The following TAOK1 variants were observed in gnomAD, a reference collection of about 807,000 sequenced individuals.
TAOK1 encodes TAO kinase 1, also known as serine/threonine-protein kinase TAO1.
TAOK1 carries 21 observed loss-of-function variants against 138.3 expected under a neutral mutation model. The observed-to-expected ratio is 0.15, with a 90% CI of 0.11 to 0.22. The LOEUF is 0.22. Among genes scored for constraint, TAOK1 ranks in the 10% least tolerant of loss-of-function variants. The probability of loss-of-function intolerance (pLI) is 1.00; values close to 1 mark genes in which losing one functional copy is unlikely to be tolerated. For synonymous variants in TAOK1, 361 were observed against 398.4 expected (o/e 0.91, Z 1.12); for missense variants, 651 against 1,227.7 (o/e 0.53, Z 7.02).
Position 29,534,615 on chromosome 17 carries a change from T to C in TAOK1, c.2544+315T>C, listed in dbSNP as rs1292070943. Among the ~76,000 whole-genome samples, 3 of 152,228 alleles carry C rather than the reference T, an allele frequency of 2.0e-5. 1 individual carries two copies. The highest frequency in any genetic ancestry group is 6.5e-5 in the Admixed American group (1 of 15,282). ...TCTATTTTCCTCACTTCTGTGTTCC[T>C]AGCTTGCTCTACCTAAGGAGGTTGG... On this transcript the variant is annotated intron_variant, in intron 19 of 19. Coordinates refer to ENST00000261716, the MANE Select transcript of TAOK1 (RefSeq NM_020791.4).
intron 1 of TAOK1, among the ~76,000 whole-genome samples, chr17:29,410,378 G>A (rs958106544): frequency 2.0e-5 from 3 of 152,016 alleles, no homozygotes; most frequent in Admixed American, 6.6e-5. Context: ...ACACTCCCGA[G>A]TAGCTGGGAT....
At chr17:29,466,178 T>C (rs2030663119) in intron 2 of TAOK1, among the ~76,000 whole-genome samples, 1 of 152,098 alleles carries the variant, frequency 6.6e-6, no homozygotes, top group Admixed American at 6.6e-5. Context: ...TGAGACAGAG[T>C]TGCTGTCCAG....
At chr17:29,405,332 G>A (rs1227583193) in intron 1 of TAOK1, among the ~76,000 whole-genome samples, 1 of 152,120 alleles carries the variant, frequency 6.6e-6, no homozygotes, top group Non-Finnish European at 1.5e-5. Context: ...CAGTCATTAA[G>A]CCAGTTGGTT....
intron 1 of TAOK1, among the ~76,000 whole-genome samples, chr17:29,421,830 T>C (rs1905453426): frequency 6.6e-6 from 1 of 152,036 alleles, no homozygotes; most frequent in Admixed American, 6.6e-5. Context: ...CTCAAACTCC[T>C]GGGCTCAAGT....
At position 29,468,788 on chromosome 17, in the gene TAOK1, A is replaced by G. The variant is rs772588386; in HGVS notation, c.204+1572A>G. ...GGTCTTGAACTTCTGACCTCAAGCAATCCACCTGCCTTGGCCTCCCAAAGT... is the reference window on the plus strand; with the variant it reads ...GGTCTTGAACTTCTGACCTCAAGCAGTCCACCTGCCTTGGCCTCCCAAAGT... On this transcript the variant is annotated intron_variant, in intron 3 of 19. Coordinates refer to ENST00000261716, the MANE Select transcript of TAOK1 (RefSeq NM_020791.4). 1.1e-3 allele frequency among the ~76,000 whole-genome samples: 170 copies of G among 152,198 alleles called. 1 individual carries two copies. The highest frequency in any genetic ancestry group is 2.3e-3 in the Admixed American group (35 of 15,284).
chr17:29,451,072 A>C (rs979158752), intron 1 of TAOK1, among the ~76,000 whole-genome samples: 4 of 152,040 alleles, frequency 2.6e-5, no homozygotes, highest in Admixed American at 6.6e-5. Context: ...TGAAAAGAAA[A>C]GAAGTTTCCT....
intron 1 of TAOK1, among the ~76,000 whole-genome samples, chr17:29,410,619 G>GTTTTTTTTTTTTTTTTTTTT (rs61646352): frequency 7.9e-6 from 1 of 125,990 alleles, no homozygotes; most frequent in Non-Finnish European, 1.6e-5. Flanking sequence ...AGGGTTTTTT[G>GTTTTTTTTTTTTTTTTTTTT]TTTTTTTTTT....
chr17:29,473,637 C>T (rs1234744852), intron 3 of TAOK1, among the ~76,000 whole-genome samples: 1 of 151,372 alleles, frequency 6.6e-6, no homozygotes, highest in Non-Finnish European at 1.5e-5. Context: ...TAGCCACCTT[C>T]ATCAATGACA....
In TAOK1 at chr17:29,546,337, G is replaced by GTA; in HGVS notation, c.*3315_*3316insTA. ...TCAGGTAAACATTCAGTACACTAAA[G>GTA]AAACTATCCTGGACACTCCCTCCTG... On this transcript the variant is annotated 3_prime_UTR_variant, in exon 20 of 20. Coordinates refer to ENST00000261716, the MANE Select transcript of TAOK1 (RefSeq NM_020791.4). 1 of 151,942 alleles carries GTA rather than the reference G, an allele frequency of 6.6e-6. No homozygotes were observed. Among genetic ancestry groups the GTA allele is most frequent in the Non-Finnish European group, 1.5e-5 (1 of 67,900 alleles). 9.4% of individuals were successfully genotyped at this position (151,942 alleles called of 1,614,324 possible).
At chr17:29,468,400 G>A (rs2030734467) in intron 3 of TAOK1, among the ~76,000 whole-genome samples, 1 of 151,778 alleles carries the variant, frequency 6.6e-6, no homozygotes, top group South Asian at 2.1e-4. Context: ...GCCTCCCAAA[G>A]TGCTTGGATT....
intron 13 of TAOK1, among the ~76,000 whole-genome samples, chr17:29,506,378 A>T (rs2031630246): frequency 6.6e-6 from 1 of 152,254 alleles, no homozygotes; most frequent in Non-Finnish European, 1.5e-5. Flanking sequence ...CAGATACCAC[A>T]TGATCTCACT....
chr17:29,394,255 T>A (rs545831532), intron 1 of TAOK1, among the ~76,000 whole-genome samples: 1 of 133,792 alleles, frequency 7.5e-6, no homozygotes, highest in Non-Finnish European at 1.6e-5. Context: ...AAGTTCCACC[T>A]CCTGGGTTTA....
chr17:29,473,273 A>G (rs1421935685), intron 3 of TAOK1, among the ~76,000 whole-genome samples: 23 of 152,192 alleles, frequency 1.5e-4, no homozygotes, highest in Non-Finnish European at 2.4e-4. Context: ...CAGGCATTTC[A>G]TAGTTGCTCT....
chr17:29,539,417 T>C (rs897261835), intron 19 of TAOK1, among the ~76,000 whole-genome samples: 9 of 152,096 alleles, frequency 5.9e-5, no homozygotes, highest in African/African-American at 1.7e-4. Flanking sequence ...TGGTGGTGCA[T>C]GCCTGTTTTT....
chr17:29,456,671 C>T (rs948437265), intron 2 of TAOK1, among the ~76,000 whole-genome samples: 1 of 150,514 alleles, frequency 6.6e-6, no homozygotes, highest in Non-Finnish European at 1.5e-5. Flanking sequence ...CACTTCTGGT[C>T]CCAAGCATTT....
intron 1 of TAOK1, among the ~76,000 whole-genome samples, chr17:29,437,679 C>A (rs1900663495): frequency 6.6e-6 from 1 of 150,774 alleles, no homozygotes; most frequent in Admixed American, 6.6e-5. Flanking sequence ...CATTCTATTT[C>A]AATTCTGATA....
At position 29,444,811 on chromosome 17, in the gene TAOK1, G is replaced by A. The variant is rs191355774; in HGVS notation, c.-94-6644G>A. Among the ~76,000 whole-genome samples, 47 of 151,674 alleles carry A rather than the reference G, an allele frequency of 3.1e-4. 1 individual carries two copies. Among genetic ancestry groups the A allele is most frequent in the African/African-American group, 1.0e-3 (43 of 41,522 alleles). Reference sequence around the variant, plus strand: ...CATTCACTCCATGAATACAGTACATGTCTCCATTTAATTAGGTTGACTTTG... The same window carrying A: ...CATTCACTCCATGAATACAGTACATATCTCCATTTAATTAGGTTGACTTTG... On this transcript the variant is annotated intron_variant, in intron 1 of 19. Coordinates refer to ENST00000261716, the MANE Select transcript of TAOK1 (RefSeq NM_020791.4).
At chr17:29,511,341 C>T (rs2031716463) in intron 15 of TAOK1, 1 of 152,782 alleles carries the variant, frequency 6.5e-6, no homozygotes, top group Admixed American at 6.6e-5. Context: ...TCACACCATT[C>T]TCCTGCCTCA....
chr17:29,414,175 G>A (rs1380051927), intron 1 of TAOK1, among the ~76,000 whole-genome samples: 3 of 151,738 alleles, frequency 2.0e-5, no homozygotes, highest in Admixed American at 1.3e-4. Flanking sequence ...GAGCCACCAC[G>A]CCCAGCCTGT....
Sources: gnomAD v4.1 joint callset for allele counts (sites outside exome capture counted in the v4.1 genomes callset) on GRCh38, gnomAD v4.1.1 for gene constraint, MANE v1.5 for transcripts, NCBI Gene and HGNC (gene_info 2026-07-23, HGNC 2026-07-21) for gene names.